The following MAP2 variants were observed in gnomAD, a reference collection of about 807,000 sequenced individuals.
MAP2 encodes the protein microtubule associated protein 2, also known as microtubule-associated protein 2.
MAP2 carries 14 observed loss-of-function variants against 137.6 expected under a neutral mutation model. The observed-to-expected ratio is 0.10, with a 90% CI of 0.07 to 0.16. The LOEUF (loss-of-function observed/expected upper bound fraction) is 0.16, where lower values mean the gene tolerates loss of function less well. Among genes scored for constraint, MAP2 ranks in the 10% least tolerant of loss-of-function variants. MAP2 has a pLI of 1.00. For synonymous variants in MAP2, 786 were observed against 782.3 expected (o/e 1.00, Z -0.08); for missense variants, 2,088 against 2,191.5 (o/e 0.95, Z 0.94).
In MAP2 at chr2:209,695,963, G is replaced by A. The variant is rs2060075149; in HGVS notation, c.3793G>A (p.Ala1265Thr). 2.5e-6 allele frequency: 4 copies of A among 1,614,096 alleles called. No individual in the cohort carries two copies. Among genetic ancestry groups the A allele is most frequent in the Admixed American group, 1.7e-5 (1 of 60,020 alleles). The change falls in exon 8 of 16, where the codon GCC becomes ACC. Residue 1265 changes from alanine (A) to threonine (T), a missense_variant. Coordinates refer to ENST00000682079, the MANE Select transcript of MAP2 (RefSeq NM_001375505.1). ...GATAACTGACCTGGGTGTCTCAGGT[G>A]CCAGGGAGGAATTTGTGGAGACCTG... ...LQITDLGVSGAREEFVETCPS... is the reference protein window; with the variant it reads ...LQITDLGVSGTREEFVETCPS...
chr2:209,633,701 A>G (rs1006109078), intron 4 of MAP2, among the ~76,000 whole-genome samples: 4 of 152,252 alleles, frequency 2.6e-5, no homozygotes, highest in African/African-American at 9.6e-5. Context: ...AAAGCAAGAA[A>G]AGGAGGAAGA....
chr2:209,579,002 G>T (rs1473142621), intron 2 of MAP2, among the ~76,000 whole-genome samples: 1 of 150,988 alleles, frequency 6.6e-6, no homozygotes, highest in African/African-American at 2.4e-5. Context: ...AAAGGGTATT[G>T]AATTTTCTGT....
intron 3 of MAP2, among the ~76,000 whole-genome samples, chr2:209,593,921 A>T (rs185934843): frequency 6.5e-5 from 3 of 45,822 alleles, no homozygotes; most frequent in African/African-American, 1.2e-4. Context: ...TATTTATATT[A>T]TTAAAATATA....
chr2:209,446,323 C>T (rs911423358), intron 1 of MAP2, among the ~76,000 whole-genome samples: 1 of 151,604 alleles, frequency 6.6e-6, no homozygotes, highest in South Asian at 2.1e-4. Context: ...GGAATTTTTC[C>T]TTCTTTGACC....
At chr2:209,465,346 T>C (rs1287407615) in intron 1 of MAP2, among the ~76,000 whole-genome samples, 2 of 152,184 alleles carry the variant, frequency 1.3e-5, no homozygotes, top group Non-Finnish European at 2.9e-5. Flanking sequence ...ATTAGTAATC[T>C]ATCATTGGAG....
intron 3 of MAP2, among the ~76,000 whole-genome samples, chr2:209,603,466 C>A (rs907410093): frequency 1.3e-5 from 2 of 152,088 alleles, no homozygotes; most frequent in Non-Finnish European, 1.5e-5. Flanking sequence ...CATGAACAAT[C>A]TGCCCCCAGT....
chr2:209,696,543 T>G lies in MAP2; in HGVS notation c.4182T>G (p.Asp1394Glu). The G allele has an allele frequency of 6.2e-7, 1 of 1,608,780 alleles. No homozygotes were observed. Among genetic ancestry groups the G allele is most frequent in the Non-Finnish European group, 8.5e-7 (1 of 1,178,320 alleles). The change falls in exon 9 of 16, where the codon GAT becomes GAG. Residue 1394 changes from aspartate (D) to glutamate (E), a missense_variant and splice_region_variant. This residue lies in a region of MAP2 where 591 missense variants were observed against 642.6 expected (regional missense o/e 0.92). Transcript: ENST00000682079. ...GTCATGATTTGCTTTGATCCACAGA[T>G]GATGATAGGAGCATCATGACAGAAC... ...DADSLWVDTQ[D>E]DDRSIMTEQL...
At chr2:209,718,280 C>G (rs1220139116) in intron 13 of MAP2, among the ~76,000 whole-genome samples, 1 of 152,114 alleles carries the variant, frequency 6.6e-6, no homozygotes, top group Non-Finnish European at 1.5e-5. Context: ...AACAAAGACA[C>G]AGGAACTAAT....
In MAP2 at chr2:209,693,748, A is replaced by G. The variant is rs1159978392; in HGVS notation, c.1578A>G (p.Ala526=). Residue 526 remains alanine, a synonymous_variant, in exon 8 of 16, where the codon GCA becomes GCG. Coordinates refer to ENST00000682079, the MANE Select transcript of MAP2 (RefSeq NM_001375505.1). ...AGAAAGCCATGACCGAACCATCTGC[A>G]TTAATTGAAAAGAGCTCAATTCAGG... ...TLEKAMTEPS[A]LIEKSSIQEL... 1.9e-6 allele frequency: 3 copies of G among 1,613,592 alleles called. No homozygotes were observed. Among genetic ancestry groups the G allele is most frequent in the African/African-American group, 2.7e-5 (2 of 74,894 alleles).
intron 4 of MAP2, among the ~76,000 whole-genome samples, chr2:209,641,744 G>A (rs1301129545): frequency 6.6e-6 from 1 of 151,708 alleles, no homozygotes. Flanking sequence ...AAGCTCTAAA[G>A]CATTTTAAAT....
At chr2:209,442,353 A>G (rs900696303) in intron 1 of MAP2, among the ~76,000 whole-genome samples, 3 of 151,522 alleles carry the variant, frequency 2.0e-5, no homozygotes, top group African/African-American at 7.3e-5. Flanking sequence ...TGGGGGGTCT[A>G]GGGGCCCCCA....
chr2:209,669,005 A>G lies in MAP2; in HGVS notation c.263-9567A>G, dbSNP rs140020355. Reference sequence around the variant, plus strand: ...TACAAAGAACTACCATGTCTATTTAACATTGACTTTTAAAGTCTGTCAAGT... The same window carrying G: ...TACAAAGAACTACCATGTCTATTTAGCATTGACTTTTAAAGTCTGTCAAGT... On this transcript the variant is annotated intron_variant, in intron 5 of 15. Transcript: ENST00000682079. Among the ~76,000 whole-genome samples, 806 of 152,212 alleles carry G rather than the reference A, an allele frequency of 5.3e-3. 9 individuals carry two copies. Among genetic ancestry groups the G allele is most frequent in the African/African-American group, 0.018 (760 of 41,558 alleles).
In MAP2 at chr2:209,725,699, G is replaced by A. The variant is rs753876482; in HGVS notation, c.5074-10G>A. 3.2e-6 allele frequency: 5 copies of A among 1,574,450 alleles called. No homozygotes were observed. The highest frequency in any genetic ancestry group is 4.3e-6 in the Non-Finnish European group (5 of 1,157,800). ...AACTATTTTAAGCATGTTTTATGTG[G>A]TTCACATAGGTACAAATTGTTACCA... On this transcript the variant is annotated splice_polypyrimidine_tract_variant and intron_variant, in intron 13 of 15. Transcript: ENST00000682079.
chr2:209,658,508 T>C (rs1413271690), intron 5 of MAP2, among the ~76,000 whole-genome samples: 1 of 150,006 alleles, frequency 6.7e-6, no homozygotes, highest in Non-Finnish European at 1.5e-5. Flanking sequence ...ATTATTATTA[T>C]TACTATTTTT....
At chr2:209,457,631 C>T (rs573682145) in intron 1 of MAP2, among the ~76,000 whole-genome samples, 27 of 152,240 alleles carry the variant, frequency 1.8e-4, no homozygotes, top group African/African-American at 4.8e-4. Flanking sequence ...AATTCCTCAT[C>T]CATTAAAAGA....
At chr2:209,589,227 G>A (rs993173573) in intron 3 of MAP2, among the ~76,000 whole-genome samples, 1 of 152,108 alleles carries the variant, frequency 6.6e-6, no homozygotes, top group Non-Finnish European at 1.5e-5. Flanking sequence ...CTAAGACGTG[G>A]TGTTCCAAAG....
intron 5 of MAP2, among the ~76,000 whole-genome samples, chr2:209,665,936 G>C (rs1157464808): frequency 6.6e-6 from 1 of 152,082 alleles, no homozygotes; most frequent in Non-Finnish European, 1.5e-5. Flanking sequence ...TCAGTGTTTA[G>C]TGAAATTCTT....
chr2:209,692,728 T>C lies in MAP2; in HGVS notation c.558T>C (p.Ser186=), dbSNP rs563797050. ...DQKEKESEKQ[S]KPGEDLKHAA... is the part of the protein sequence containing the mutation. ...AGGAAAAGGAGTCAGAGAAGCAAAG[T>C]AAGCCTGGTGAAGACCTTAAACATG... is the stretch of plus-strand genomic sequence containing the variant. The change falls in exon 8 of 16, where the codon AGT becomes AGC. Residue 186 remains serine, a synonymous_variant. Transcript: ENST00000682079. The C allele has an allele frequency of 1.9e-6, 3 of 1,614,038 alleles. No homozygotes were observed. The highest frequency in any genetic ancestry group is 2.7e-5 in the African/African-American group (2 of 75,038).
At chr2:209,634,414 C>T (rs1290939984) in intron 4 of MAP2, among the ~76,000 whole-genome samples, 3 of 152,148 alleles carry the variant, frequency 2.0e-5, no homozygotes, top group African/African-American at 4.8e-5. Context: ...TTGTCCTCTT[C>T]GTAGTCAGCC....
Sources: gnomAD v4.1 joint callset for allele counts (sites outside exome capture counted in the v4.1 genomes callset) on GRCh38, gnomAD v4.1.1 for gene constraint, gnomAD v4.1.1 regional missense constraint, MANE v1.5 for transcripts, NCBI Gene and HGNC (gene_info 2026-07-23, HGNC 2026-07-21) for gene names.